The following NSD1 variants were observed in gnomAD, a reference collection of about 807,000 sequenced individuals.
NSD1 encodes the protein histone-lysine N-methyltransferase, H3 lysine-36 specific.
NSD1 carries 26 observed loss-of-function variants against 242.7 expected under a neutral mutation model. That is an observed-to-expected ratio of 0.11 (90% CI 0.08 to 0.15). The LOEUF (loss-of-function observed/expected upper bound fraction) is 0.15. Among genes scored for constraint, NSD1 ranks in the 10% least tolerant of loss-of-function variants. The pLI, the probability that NSD1 is intolerant of heterozygous loss-of-function variation, is 1.00. For synonymous variants in NSD1, 1,106 were observed against 1,178.1 expected (o/e 0.94, Z 1.25); for missense variants, 2,495 against 3,272.8 (o/e 0.76, Z 5.80).
At chr5:177,234,810 C>T (rs1266930842) in intron 5 of NSD1, among the ~76,000 whole-genome samples, 2 of 151,694 alleles carry the variant, frequency 1.3e-5, no homozygotes, top group African/African-American at 4.9e-5. Flanking sequence ...AAAAAGCTAT[C>T]CCACAGAATG....
At chr5:177,186,716 T>A (rs1761262237) in intron 2 of NSD1, among the ~76,000 whole-genome samples, 1 of 152,152 alleles carries the variant, frequency 6.6e-6, no homozygotes, top group African/African-American at 2.4e-5. Context: ...AAGGTGGCCG[T>A]GGTGGCTCAG....
chr5:177,267,198 T>C (rs1757563700), intron 14 of NSD1, among the ~76,000 whole-genome samples: 1 of 152,144 alleles, frequency 6.6e-6, no homozygotes, highest in Non-Finnish European at 1.5e-5. Context: ...GAACTAACCA[T>C]ATGGAGATAC....
chr5:177,260,044 C>T lies in NSD1; in HGVS notation c.5022C>T (p.Cys1674=), dbSNP rs2149917827. The change falls in exon 14 of 23, where the codon TGC becomes TGT. Residue 1674 remains cysteine (C), a synonymous_variant. Transcript: ENST00000439151. The part of the protein sequence containing the change: ...CPVAYHANDF[C]LAAGSKILAS... ...TGGCATACCACGCCAATGACTTTTG[C>T]CTGGCTGCTGGGTCAAAGATCCTTG... 3 of 1,614,152 alleles carry T rather than the reference C, an allele frequency of 1.9e-6. No homozygotes were observed. The highest frequency in any genetic ancestry group is 2.5e-6 in the Non-Finnish European group (3 of 1,180,036).
chr5:177,244,297 G>A (rs376420051), intron 9 of NSD1, 27 bp downstream of exon 9: 352 of 1,492,538 alleles, frequency 2.4e-4, no homozygotes, highest in Middle Eastern at 5.1e-4. Context: ...TTTAAAAAAC[G>A]TAATGCAGTA....
chr5:177,210,478 C>G lies in NSD1; in HGVS notation c.2079C>G (p.Asn693Lys), dbSNP rs766184697. ...KIKYSRFAAT[N>K]TRVKAKQKPL... is the part of the protein sequence containing the mutation. ...AGTATTCTAGGTTTGCTGCCACAAA[C>G]ACTAGGGTAAAAGCAAAACAGAAGC... is the stretch of plus-strand genomic sequence containing the variant. Residue 693 changes from asparagine (N) to lysine (K), a missense_variant, in exon 5 of 23, where the codon AAC (asparagine) becomes AAG (lysine). By Grantham distance (94) the Asn-to-Lys change is moderately conservative. Coordinates refer to ENST00000439151, the MANE Select transcript of NSD1 (RefSeq NM_022455.5). 7 of 1,613,992 alleles carry G rather than the reference C, an allele frequency of 4.3e-6. No individual in the cohort carries two copies. Among genetic ancestry groups the G allele is most frequent in the Non-Finnish European group, 5.9e-6 (7 of 1,180,018 alleles).
chr5:177,193,293 A>G (rs1031888317), intron 3 of NSD1, among the ~76,000 whole-genome samples: 1 of 152,056 alleles, frequency 6.6e-6, no homozygotes, highest in African/African-American at 2.4e-5. Flanking sequence ...GGCGTCCGCC[A>G]CCATGCCTGG....
chr5:177,136,201 C>T (rs562577966), intron 2 of NSD1, 171 bp downstream of exon 2: 1 of 614,984 alleles, frequency 1.6e-6, no homozygotes, highest in East Asian at 2.9e-5. Context: ...AAATTTATCT[C>T]TGTTGTATGA....
chr5:177,239,975 AGTGT>A (rs1765726889), intron 8 of NSD1, 110 bp downstream of exon 8: 1 of 688,646 alleles, frequency 1.5e-6, no homozygotes, highest in Non-Finnish European at 2.6e-6. Flanking sequence ...TATAGAAATT[AGTGT>A]GTGTGTCAGC....
chr5:177,262,357 T>G (rs1399860183), intron 14 of NSD1, among the ~76,000 whole-genome samples: 2 of 63,720 alleles, frequency 3.1e-5, no homozygotes, highest in East Asian at 4.7e-4. Flanking sequence ...GTCCCAGCTA[T>G]TCAGGTGGCC....
At chr5:177,169,161 C>CT (rs35048148) in intron 2 of NSD1, among the ~76,000 whole-genome samples, 4 of 152,020 alleles carry the variant, frequency 2.6e-5, no homozygotes, top group East Asian at 1.9e-4. Context: ...TGACCATGAC[C>CT]TTTTTTTGGT....
At chr5:177,132,724 G>C (rs1042437773), upstream of NSD1, among the ~76,000 whole-genome samples, 1 of 152,006 alleles carries the variant, frequency 6.6e-6, no homozygotes, top group African/African-American at 2.4e-5. The surrounding 1 kb of genome is among the most constrained non-coding windows in gnomAD (Gnocchi z 7.5). Context: ...ACGGCCGGGC[G>C]AGCAGTGCCG....
chr5:177,152,998 T>G (rs1248141022), intron 2 of NSD1, among the ~76,000 whole-genome samples: 1 of 152,054 alleles, frequency 6.6e-6, no homozygotes, highest in Non-Finnish European at 1.5e-5. Flanking sequence ...GGTTTTATAT[T>G]TATTCTTTTT....
chr5:177,206,351 C>T (rs1762868792), intron 4 of NSD1, among the ~76,000 whole-genome samples: 2 of 151,866 alleles, frequency 1.3e-5, no homozygotes, highest in Admixed American at 6.6e-5. Flanking sequence ...GCCATGTTGC[C>T]CAGGCTGGTC....
intron 17 of NSD1, among the ~76,000 whole-genome samples, chr5:177,274,925 G>A (rs905983117): frequency 6.6e-6 from 1 of 151,810 alleles, no homozygotes; most frequent in Non-Finnish European, 1.5e-5. Flanking sequence ...GTAGAGACGG[G>A]GTTTCGCCGT....
intron 20 of NSD1, among the ~76,000 whole-genome samples, chr5:177,285,173 A>C (rs1759206249): frequency 1.3e-5 from 2 of 152,206 alleles, no homozygotes; most frequent in Admixed American, 1.3e-4. Context: ...CCATAAATTA[A>C]AGGATCTTAA....
rs2149844497 is a variant in NSD1 at position 177,210,468 on chromosome 5, C to T, written c.2069C>T (p.Ala690Val). 1 of 1,614,136 alleles carries T rather than the reference C, an allele frequency of 6.2e-7. No individual in the cohort carries two copies. The highest frequency in any genetic ancestry group is 1.1e-5 in the South Asian group (1 of 91,082). The change falls in exon 5 of 23, where the codon GCT becomes GTT. Residue 690 changes from alanine (A) to valine (V), a missense_variant. Ala to Val is a moderately conservative substitution (Grantham distance 64, BLOSUM62 0). This residue lies in a region of NSD1 where 515 missense variants were observed against 467.0 expected (regional missense o/e 1.10). Coordinates refer to ENST00000439151, the MANE Select transcript of NSD1 (RefSeq NM_022455.5). ...KNEKIKYSRF[A>V]ATNTRVKAKQ... is the part of the protein sequence containing the mutation. ...GAAAAGATAAAGTATTCTAGGTTTG[C>T]TGCCACAAACACTAGGGTAAAAGCA...
intron 12 of NSD1, among the ~76,000 whole-genome samples, chr5:177,255,376 T>C (rs1227247222): frequency 6.6e-6 from 1 of 152,088 alleles, no homozygotes; most frequent in Non-Finnish European, 1.5e-5. Flanking sequence ...CATATTCAAA[T>C]ATTGTTCTTA....
intron 12 of NSD1, among the ~76,000 whole-genome samples, chr5:177,254,114 A>G (rs889837998): frequency 6.6e-6 from 1 of 151,824 alleles, no homozygotes; most frequent in Non-Finnish European, 1.5e-5. Context: ...CTCCTGGCTA[A>G]TTTTTGGATT....
At chr5:177,216,593 C>G (rs1763790004) in intron 5 of NSD1, among the ~76,000 whole-genome samples, 1 of 151,258 alleles carries the variant, frequency 6.6e-6, no homozygotes, top group East Asian at 1.9e-4. Context: ...AAGAGACTAT[C>G]TTTTCCCCAT....
Sources: allele counts gnomAD v4.1 joint callset (sites outside exome capture counted in the v4.1 genomes callset), GRCh38; gene constraint gnomAD v4.1.1; regional missense constraint gnomAD v4.1.1; non-coding constraint Gnocchi (gnomAD v3.1); transcripts MANE v1.5; gene names NCBI Gene and HGNC (gene_info 2026-07-23, HGNC 2026-07-21).